Variants in MEGF11 observed in about 807,000 individuals in gnomAD.
The protein encoded by MEGF11 is multiple epidermal growth factor-like domains protein 11.
In MEGF11, 126 loss-of-function variants were observed where a neutral mutation model predicts 146.6. That is an observed-to-expected ratio of 0.86 (90% confidence interval 0.74 to 1.00). The LOEUF (loss-of-function observed/expected upper bound fraction) is 1.00. MEGF11 is among the 50% of genes least tolerant of loss of function. MEGF11 has a pLI of 0.00. For synonymous variants in MEGF11, 532 were observed against 583.4 expected, an observed-to-expected ratio of 0.91 and a Z score of 1.27; for missense variants, 1,509 against 1,521.2, an observed-to-expected ratio of 0.99 and a Z score of 0.13.
intron 13 of MEGF11, 21 bp downstream of exon 13, chr15:65,928,404 G>A: frequency 6.5e-7 from 1 of 1,546,346 alleles, no homozygotes; most frequent in Non-Finnish European, 8.8e-7. Context: ...CCTGGGTGGT[G>A]GCACAGCAAG....
At chr15:66,197,454 G>A (rs1302751033) in intron 1 of MEGF11, among the ~76,000 whole-genome samples, 4 of 151,924 alleles carry the variant, frequency 2.6e-5, no homozygotes, top group Non-Finnish European at 4.4e-5. Context: ...GACGAGTCTC[G>A]CTCTATCGCC....
Position 66,196,949 on chromosome 15 carries a change from G to T in MEGF11, c.-9+56656C>A, listed in dbSNP as rs561576099. On this transcript the variant is annotated intron_variant, in intron 1 of 25. Transcript: ENST00000395614. ...TAAGGCAGATGTACCTCGTTTATAT[G>T]AGTGTCTAGGATTGCTTATGGTAAA... 3.3e-5 allele frequency among the ~76,000 whole-genome samples: 5 copies of T among 152,338 alleles called. No individual in the cohort carries two copies. In the South Asian group the frequency reaches 1.0e-3, roughly 32 times the overall value.
chr15:66,180,330 G>T (rs1567274444), intron 1 of MEGF11, among the ~76,000 whole-genome samples: 1 of 152,184 alleles, frequency 6.6e-6, no homozygotes, highest in Non-Finnish European at 1.5e-5. Flanking sequence ...CTTCCTGGGT[G>T]CCTTTCTTGA....
intron 5 of MEGF11, among the ~76,000 whole-genome samples, chr15:66,091,137 C>T (rs1872910634): frequency 6.6e-6 from 1 of 152,132 alleles, no homozygotes; most frequent in Admixed American, 6.5e-5. Flanking sequence ...ATATAGACCC[C>T]ACTCAGTGAT....
At chr15:66,201,681 A>G in intron 1 of MEGF11, among the ~76,000 whole-genome samples, 1 of 151,486 alleles carries the variant, frequency 6.6e-6, no homozygotes, top group South Asian at 2.1e-4. Context: ...CATGCCTGTA[A>G]TACCAGCACT....
At chr15:66,204,458 C>T (rs991143069) in intron 1 of MEGF11, among the ~76,000 whole-genome samples, 1 of 152,106 alleles carries the variant, frequency 6.6e-6, no homozygotes, top group Non-Finnish European at 1.5e-5. Context: ...TTATAAACCA[C>T]GTTTCCAGGC....
At chr15:65,961,793 G>A (rs2080866125) in intron 9 of MEGF11, among the ~76,000 whole-genome samples, 1 of 152,202 alleles carries the variant, frequency 6.6e-6, no homozygotes, top group African/African-American at 2.4e-5. Flanking sequence ...TCAAGACCTT[G>A]CACACTGTTG....
At chr15:66,085,900 A>G (rs1018604106) in intron 5 of MEGF11, among the ~76,000 whole-genome samples, 3 of 152,254 alleles carry the variant, frequency 2.0e-5, no homozygotes, top group African/African-American at 7.2e-5. Context: ...GTGAAGCCCA[A>G]TGCAAGGAAA....
At chr15:66,237,891 G>A (rs2092129631) in intron 1 of MEGF11, among the ~76,000 whole-genome samples, 1 of 152,188 alleles carries the variant, frequency 6.6e-6, no homozygotes, top group African/African-American at 2.4e-5. Flanking sequence ...GGCATTAGAT[G>A]TATTTTAATA....
intron 1 of MEGF11, among the ~76,000 whole-genome samples, chr15:66,196,449 C>T (rs1294194269): frequency 3.3e-5 from 5 of 151,882 alleles, no homozygotes; most frequent in Non-Finnish European, 7.4e-5. Flanking sequence ...TCTAGCCTGG[C>T]AACAGAGTGA....
intron 4 of MEGF11, among the ~76,000 whole-genome samples, chr15:66,103,820 T>C (rs965370366): frequency 6.6e-6 from 1 of 152,186 alleles, no homozygotes; most frequent in African/African-American, 2.4e-5. Flanking sequence ...CAACCCATGG[T>C]CCTTAAGCCT....
intron 7 of MEGF11, among the ~76,000 whole-genome samples, chr15:65,971,984 TATAAA>T (rs2081313170): frequency 6.6e-6 from 1 of 152,112 alleles, no homozygotes; most frequent in Admixed American, 6.6e-5. Context: ...AACAGAGTGC[TATAAA>T]ATAGGATATC....
At chr15:66,018,643 G>T (rs373815933) in intron 5 of MEGF11, among the ~76,000 whole-genome samples, 1 of 151,864 alleles carries the variant, frequency 6.6e-6, no homozygotes, top group Non-Finnish European at 1.5e-5. Flanking sequence ...GTGTGCGAGC[G>T]GGTGCCTGCC....
At chr15:65,920,826 A>G (rs994338670) in intron 15 of MEGF11, among the ~76,000 whole-genome samples, 7 of 152,254 alleles carry the variant, frequency 4.6e-5, no homozygotes, top group African/African-American at 1.7e-4. Context: ...AGCAAACTCC[A>G]TTAGATCTAT....
At chr15:66,232,150 C>T (rs62009957) in intron 1 of MEGF11, among the ~76,000 whole-genome samples, 69,942 of 152,090 alleles carry the variant, frequency 0.46, 17,045 homozygotes, top group East Asian at 0.68. Flanking sequence ...CAGGAGCCTG[C>T]AGAGCTGAAC....
intron 5 of MEGF11, among the ~76,000 whole-genome samples, chr15:66,005,132 A>C (rs2082481630): frequency 6.6e-6 from 1 of 152,200 alleles, no homozygotes; most frequent in Non-Finnish European, 1.5e-5. Flanking sequence ...TTAATGGTTT[A>C]ATTTCCAGGA....
At chr15:66,243,636 G>A (rs1370951571) in intron 1 of MEGF11, among the ~76,000 whole-genome samples, 1 of 152,192 alleles carries the variant, frequency 6.6e-6, no homozygotes, top group African/African-American at 2.4e-5. Context: ...ATGGAGACTG[G>A]CATGCCATTT....
At chr15:66,137,033 AAGAG>A (rs2088917994) in intron 1 of MEGF11, among the ~76,000 whole-genome samples, 1 of 152,192 alleles carries the variant, frequency 6.6e-6, no homozygotes, top group Admixed American at 6.5e-5. Context: ...TCCAAAAAAA[AAGAG>A]AGAAAGAGAG....
chr15:66,057,008 T>G (rs1278357463), intron 5 of MEGF11, among the ~76,000 whole-genome samples: 3 of 152,236 alleles, frequency 2.0e-5, no homozygotes, highest in Non-Finnish European at 4.4e-5. Context: ...AAATTGCCCC[T>G]TCCATTCAAT....
Sources: allele counts gnomAD v4.1 joint callset (sites outside exome capture counted in the v4.1 genomes callset), GRCh38; gene constraint gnomAD v4.1.1; transcripts MANE v1.5; gene names NCBI Gene and HGNC (gene_info 2026-07-23, HGNC 2026-07-21).